DCC: variants seen among roughly 807,000 people sequenced by gnomAD.
DCC encodes the protein netrin receptor DCC.
A neutral mutation model predicts 172.5 loss-of-function variants in DCC; 58 were observed. That is an observed-to-expected ratio of 0.34 (90% CI 0.27 to 0.42). The LOEUF (loss-of-function observed/expected upper bound fraction) is 0.42. DCC is among the 10% of genes least tolerant of loss of function. The pLI is 1.00. For missense variants in DCC, 1,740 were observed against 1,791.0 expected, an observed-to-expected ratio of 0.97 and a Z score of 0.51; for synonymous variants, 709 against 644.5, an observed-to-expected ratio of 1.10 and a Z score of -1.52.
intron 12 of DCC, among the ~76,000 whole-genome samples, chr18:53,303,637 A>G (rs2057166496): frequency 6.6e-6 from 1 of 151,850 alleles, no homozygotes; most frequent in Non-Finnish European, 1.5e-5. Flanking sequence ...GCACCCTCAA[A>G]CCCCTTATGG....
intron 7 of DCC, among the ~76,000 whole-genome samples, chr18:53,071,982 G>T (rs1400095034): frequency 9.2e-5 from 14 of 152,052 alleles, no homozygotes; most frequent in Admixed American, 9.2e-4. Context: ...TACAAAATTA[G>T]TTGGGCATGG....
chr18:52,453,243 C>G (rs2144521108), intron 1 of DCC, among the ~76,000 whole-genome samples: 1 of 152,294 alleles, frequency 6.6e-6, no homozygotes, highest in South Asian at 2.1e-4. Flanking sequence ...CCCAGGTAGT[C>G]AAAGCACAGA....
intron 12 of DCC, among the ~76,000 whole-genome samples, chr18:53,279,471 G>T (rs1030768325): frequency 6.4e-5 from 9 of 140,142 alleles, no homozygotes; most frequent in Non-Finnish European, 3.0e-5. Context: ...CACAGGAAGG[G>T]GAACATCACA....
At chr18:53,347,912 C>T (rs1457873007) in intron 15 of DCC, among the ~76,000 whole-genome samples, 1 of 152,150 alleles carries the variant, frequency 6.6e-6, no homozygotes, top group Admixed American at 6.5e-5. Context: ...TCAGCCACCT[C>T]CCACTAGATT....
At chr18:53,464,108 A>C (rs2045590441) in intron 24 of DCC, among the ~76,000 whole-genome samples, 1 of 152,138 alleles carries the variant, frequency 6.6e-6, no homozygotes, top group Non-Finnish European at 1.5e-5. Flanking sequence ...TGGATTTCAA[A>C]ATTATTTTCT....
intron 2 of DCC, among the ~76,000 whole-genome samples, chr18:52,860,600 G>A (rs913183666): frequency 6.6e-6 from 1 of 152,214 alleles, no homozygotes; most frequent in East Asian, 1.9e-4. Context: ...ATCATGTGTA[G>A]TAAGACCATT....
chr18:53,171,553 A>T (rs1299349297), intron 8 of DCC, among the ~76,000 whole-genome samples: 3 of 152,196 alleles, frequency 2.0e-5, no homozygotes, highest in African/African-American at 7.2e-5. Context: ...ATTTTGGATA[A>T]TTTTTGGAGG....
At chr18:52,504,713 C>G (rs2031165645) in intron 1 of DCC, among the ~76,000 whole-genome samples, 1 of 152,114 alleles carries the variant, frequency 6.6e-6, no homozygotes, top group African/African-American at 2.4e-5. Context: ...TGTTACCACA[C>G]TCTCTCCTCC....
At chr18:53,002,059 TTAGTGTC>T (rs1230919307) in intron 5 of DCC, among the ~76,000 whole-genome samples, 1 of 152,124 alleles carries the variant, frequency 6.6e-6, no homozygotes, top group African/African-American at 2.4e-5. Flanking sequence ...TTGTTAACAC[TTAGTGTC>T]TAGAGTTGGA....
At chr18:53,275,303 T>A (rs1267634390) in intron 12 of DCC, among the ~76,000 whole-genome samples, 1 of 152,108 alleles carries the variant, frequency 6.6e-6, no homozygotes, top group Non-Finnish European at 1.5e-5. Flanking sequence ...AAAATCATTG[T>A]ACAAAAATTC....
At chr18:52,616,249 C>T (rs1264859322) in intron 1 of DCC, among the ~76,000 whole-genome samples, 2 of 151,482 alleles carry the variant, frequency 1.3e-5, no homozygotes, top group African/African-American at 4.8e-5. Flanking sequence ...TGGTCTGTGA[C>T]AGTTTCTTTT....
chr18:52,667,523 G>T (rs901535654), intron 1 of DCC, among the ~76,000 whole-genome samples: 4 of 152,174 alleles, frequency 2.6e-5, no homozygotes, highest in African/African-American at 9.7e-5. Flanking sequence ...AGCAACAGGG[G>T]TGTCAAAGCT....
intron 1 of DCC, among the ~76,000 whole-genome samples, chr18:52,448,662 G>A (rs879728747): frequency 1.3e-5 from 2 of 152,138 alleles, no homozygotes; most frequent in African/African-American, 2.4e-5. Context: ...ATTTACAAGT[G>A]AGATCCAAGT....
intron 1 of DCC, among the ~76,000 whole-genome samples, chr18:52,383,448 T>C (rs768927219): frequency 2.0e-5 from 3 of 152,100 alleles, no homozygotes; most frequent in Non-Finnish European, 2.9e-5. Context: ...TTTCCAGTCT[T>C]CTTCCATTTG....
chr18:52,781,084 G>T (rs147833553), intron 2 of DCC, among the ~76,000 whole-genome samples: 72 of 152,234 alleles, frequency 4.7e-4, no homozygotes, highest in African/African-American at 1.4e-3. Context: ...TTATGTTCAG[G>T]TTGGATGAAT....
chr18:52,945,314 A>C (rs1568203341), intron 5 of DCC, among the ~76,000 whole-genome samples: 1 of 152,202 alleles, frequency 6.6e-6, no homozygotes, highest in Non-Finnish European at 1.5e-5. Context: ...TGTTTCTTCT[A>C]AACACATTTT....
chr18:53,284,289 G>C (rs1174799322), intron 12 of DCC, among the ~76,000 whole-genome samples: 1 of 152,126 alleles, frequency 6.6e-6, no homozygotes, highest in Admixed American at 6.5e-5. Flanking sequence ...TGGCTTTGCT[G>C]TGTCCCCATC....
intron 9 of DCC, among the ~76,000 whole-genome samples, chr18:53,196,183 T>C (rs1029664183): frequency 1.3e-5 from 2 of 152,192 alleles, no homozygotes; most frequent in African/African-American, 4.8e-5. Flanking sequence ...GGTGAAACTT[T>C]AAGTTTTTAT....
chr18:52,623,039 A>T (rs1174546785), intron 1 of DCC, among the ~76,000 whole-genome samples: 2 of 152,144 alleles, frequency 1.3e-5, no homozygotes, highest in African/African-American at 4.8e-5. Context: ...CTAACCAGGG[A>T]TCTGCAAACT....
Sources: gnomAD v4.1 joint callset for allele counts (sites outside exome capture counted in the v4.1 genomes callset) on GRCh38, gnomAD v4.1.1 for gene constraint, MANE v1.5 for transcripts, NCBI Gene and HGNC (gene_info 2026-07-23, HGNC 2026-07-21) for gene names.